Variants in LHCGR observed in about 807,000 individuals in gnomAD.
The protein encoded by LHCGR is luteinizing hormone/choriogonadotropin receptor, also known as lutropin-choriogonadotropic hormone receptor.
LHCGR carries 55 observed loss-of-function variants against 60.7 expected under a neutral mutation model. That is an observed-to-expected ratio of 0.91 (90% CI 0.73 to 1.13). The LOEUF is 1.13. Among genes scored for constraint, LHCGR ranks in the 50% most tolerant of loss-of-function variants. The pLI is 0.00. For synonymous variants in LHCGR, 337 were observed against 316.5 expected, an observed-to-expected ratio of 1.06 and a Z score of -0.69; for missense variants, 862 against 836.0, an observed-to-expected ratio of 1.03 and a Z score of -0.38.
intron 6 of LHCGR, among the ~76,000 whole-genome samples, chr2:48,717,797 G>A (rs539281410): frequency 4.0e-5 from 6 of 148,158 alleles, no homozygotes; most frequent in South Asian, 2.1e-4. Context: ...CTGTACTAGC[G>A]TCATGGACTT....
At chr2:48,723,079 C>T (rs1442760472) in intron 6 of LHCGR, among the ~76,000 whole-genome samples, 1 of 152,202 alleles carries the variant, frequency 6.6e-6, no homozygotes, top group Non-Finnish European at 1.5e-5. Context: ...GAATATCCTT[C>T]CAAACTCTTC....
chr2:48,708,347 A>C (rs982906098), intron 8 of LHCGR, among the ~76,000 whole-genome samples: 1 of 152,116 alleles, frequency 6.6e-6, no homozygotes, highest in Non-Finnish European at 1.5e-5. Context: ...CCAGCACATG[A>C]GGCCACCCCT....
In LHCGR at chr2:48,730,482, A is replaced by G. The variant is rs186815691; in HGVS notation, c.233+745T>C. 1.1e-3 allele frequency among the ~76,000 whole-genome samples: 162 copies of G among 152,344 alleles called. 1 individual carries two copies. Among genetic ancestry groups the G allele is most frequent in the Admixed American group, 2.4e-3 (37 of 15,304 alleles). ...GGCAATAGAGGTTCCCAAAGGAGCT[A>G]AGATCAATGCTGTAGCATCTTCTTT... On this transcript the variant is annotated intron_variant, in intron 2 of 10. Transcript: ENST00000294954.
intron 9 of LHCGR, among the ~76,000 whole-genome samples, chr2:48,695,622 T>G (rs1388671529): frequency 1.3e-5 from 2 of 152,172 alleles, no homozygotes; most frequent in Admixed American, 1.3e-4. Context: ...TGCTATGCTA[T>G]TCACAAAAAC....
At chr2:48,704,287 T>A (rs1667554600) in intron 8 of LHCGR, among the ~76,000 whole-genome samples, 1 of 152,222 alleles carries the variant, frequency 6.6e-6, no homozygotes, top group Non-Finnish European at 1.5e-5. Context: ...TGGATTTGGT[T>A]TGCCAGTATT....
intron 1 of LHCGR, among the ~76,000 whole-genome samples, chr2:48,735,152 G>T (rs17326656): frequency 0.21 from 31,979 of 152,148 alleles, 3,627 homozygotes; most frequent in Middle Eastern, 0.23. Flanking sequence ...TCATCAGCTT[G>T]GAACTTCCAT....
At chr2:48,718,685 T>C (rs1457927380) in intron 6 of LHCGR, among the ~76,000 whole-genome samples, 1 of 152,232 alleles carries the variant, frequency 6.6e-6, no homozygotes, top group East Asian at 1.9e-4. Flanking sequence ...ACCACTTTCT[T>C]CCCTATGTGG....
intron 1 of LHCGR, chr2:48,732,929 C>T (rs754107401): frequency 3.7e-6 from 2 of 534,534 alleles, no homozygotes; most frequent in East Asian, 1.1e-4. Context: ...CACCTAAACT[C>T]ATTTAACAAA....
chr2:48,739,041 C>T (rs940555214), intron 1 of LHCGR, among the ~76,000 whole-genome samples: 5 of 152,188 alleles, frequency 3.3e-5, no homozygotes, highest in African/African-American at 1.2e-4. Flanking sequence ...GGCACATCTC[C>T]CTTCTCTGCT....
chr2:48,690,152 C>T (rs1056806298), intron 10 of LHCGR, among the ~76,000 whole-genome samples: 6 of 152,186 alleles, frequency 3.9e-5, no homozygotes, highest in Admixed American at 1.3e-4. Context: ...TTTCACTTAT[C>T]GAATTCAAAC....
chr2:48,735,792 C>T (rs927100309), intron 1 of LHCGR, among the ~76,000 whole-genome samples: 7 of 152,166 alleles, frequency 4.6e-5, no homozygotes, highest in African/African-American at 1.7e-4. Flanking sequence ...CTGAGTTGCT[C>T]TCCTAGAATT....
chr2:48,722,646 T>A (rs1383977217), intron 6 of LHCGR, among the ~76,000 whole-genome samples: 1 of 152,184 alleles, frequency 6.6e-6, no homozygotes, highest in Non-Finnish European at 1.5e-5. Flanking sequence ...ACCCTTCACC[T>A]TCCATCAGTA....
intron 9 of LHCGR, among the ~76,000 whole-genome samples, chr2:48,698,410 G>T (rs949121485): frequency 6.6e-6 from 1 of 152,140 alleles, no homozygotes; most frequent in African/African-American, 2.4e-5. Context: ...CTAGCTGCAG[G>T]GTGAATCAAC....
At chr2:48,710,844 G>A (rs140023721) in intron 7 of LHCGR, among the ~76,000 whole-genome samples, 1,618 of 152,278 alleles carry the variant, frequency 0.011, 15 homozygotes, top group Non-Finnish European at 0.018. Context: ...ATGAGGAAGG[G>A]TTGAATGTAT....
At chr2:48,702,757 T>G (rs1667473848) in intron 8 of LHCGR, among the ~76,000 whole-genome samples, 1 of 152,162 alleles carries the variant, frequency 6.6e-6, no homozygotes, top group African/African-American at 2.4e-5. Flanking sequence ...GCATGATCCT[T>G]TAATAGTACA....
Position 48,688,425 on chromosome 2 carries a change from T to C in LHCGR, c.1372A>G (p.Thr458Ala). The part of the protein sequence containing the change: ...FASELSVYTL[T>A]VITLERWHTI... ...TGCCATCTTTCTAGAGTGATGACGG[T>C]GAGGGTGTAGACAGAAAGTTCACTT... The change falls in exon 11 of 11, where the codon ACC (threonine) becomes GCC (alanine). Residue 458 changes from threonine (T) to alanine (A), a missense_variant. Physicochemically the swap from Thr to Ala is moderately conservative, Grantham distance 58. Transcript: ENST00000294954. The surrounding 1 kb of genome is among the most constrained non-coding windows in gnomAD (Gnocchi z 5.2). The C allele has an allele frequency of 6.2e-7, 1 of 1,614,152 alleles. No individual in the cohort carries two copies. The highest frequency in any genetic ancestry group is 1.1e-5 in the South Asian group (1 of 91,082).
chr2:48,701,893 G>A (rs1190526235), intron 8 of LHCGR, among the ~76,000 whole-genome samples: 1 of 152,192 alleles, frequency 6.6e-6, no homozygotes, highest in Non-Finnish European at 1.5e-5. Flanking sequence ...ATTGTAAAAT[G>A]ACATGCCTGT....
At chr2:48,752,997 T>TGGGGTGGGGGGGGGGGGG (rs1558909396) in intron 1 of LHCGR, among the ~76,000 whole-genome samples, 1 of 18,436 alleles carries the variant, frequency 5.4e-5, no homozygotes, top group African/African-American at 3.0e-4. Context: ...GGGGGGGGGG[T>TGGGGTGGGGGGGGGGGGG]GGGGAAGGGA....
chr2:48,692,712 G>A (rs1666913500), intron 10 of LHCGR, among the ~76,000 whole-genome samples: 1 of 152,180 alleles, frequency 6.6e-6, no homozygotes, highest in Non-Finnish European at 1.5e-5. Flanking sequence ...CAACCATAGA[G>A]GTAAGGACAC....
Sources: allele counts gnomAD v4.1 joint callset (sites outside exome capture counted in the v4.1 genomes callset), GRCh38; gene constraint gnomAD v4.1.1; non-coding constraint Gnocchi (gnomAD v3.1); transcripts MANE v1.5; gene names NCBI Gene and HGNC (gene_info 2026-07-23, HGNC 2026-07-21).